LRRTM4: variants seen among roughly 807,000 people sequenced by gnomAD.
LRRTM4 encodes leucine-rich repeat transmembrane neuronal protein 4.
LRRTM4 carries 25 observed loss-of-function variants against 47.6 expected under a neutral mutation model. That is an observed-to-expected ratio of 0.53 (90% CI 0.38 to 0.73). The LOEUF is 0.73. Among genes scored for constraint, LRRTM4 ranks in the 30% least tolerant of loss-of-function variants. LRRTM4 has a pLI of 0.00. For synonymous variants in LRRTM4, 311 were observed against 269.5 expected (o/e 1.15, Z -1.51); for missense variants, 638 against 713.4 (o/e 0.89, Z 1.20).
At chr2:77,055,811 T>C (rs1326003463) in intron 3 of LRRTM4, among the ~76,000 whole-genome samples, 159 of 151,672 alleles carry the variant, frequency 1.0e-3, no homozygotes, top group African/African-American at 1.3e-3. Flanking sequence ...CAATGATAGA[T>C]TGGATTAAGA....
chr2:76,815,023 G>A (rs1337026305), intron 3 of LRRTM4, among the ~76,000 whole-genome samples: 1 of 152,070 alleles, frequency 6.6e-6, no homozygotes, highest in African/African-American at 2.4e-5. Flanking sequence ...GGGTGGAGAT[G>A]AGAAGCGGAG....
chr2:77,069,933 C>T (rs183981277), intron 3 of LRRTM4, among the ~76,000 whole-genome samples: 143 of 152,262 alleles, frequency 9.4e-4, no homozygotes, highest in South Asian at 1.9e-3. Context: ...GCCTGTAAAA[C>T]ATATTTCAGA....
chr2:77,188,413 A>T (rs972772939), intron 3 of LRRTM4, among the ~76,000 whole-genome samples: 1 of 152,110 alleles, frequency 6.6e-6, no homozygotes, highest in Non-Finnish European at 1.5e-5. Flanking sequence ...CTCTACTCCT[A>T]GTTTCATTAA....
chr2:77,146,150 C>T (rs1672256652), intron 3 of LRRTM4, among the ~76,000 whole-genome samples: 1 of 152,092 alleles, frequency 6.6e-6, no homozygotes, highest in African/African-American at 2.4e-5. Flanking sequence ...GAATTAATGT[C>T]TAAGCACTGT....
chr2:77,226,195 T>G (rs2103960615), intron 3 of LRRTM4, among the ~76,000 whole-genome samples: 1 of 151,980 alleles, frequency 6.6e-6, no homozygotes, highest in East Asian at 1.9e-4. Flanking sequence ...CTATCCAATA[T>G]TTCACTTAAA....
chr2:77,147,609 C>G (rs1028318407), intron 3 of LRRTM4, among the ~76,000 whole-genome samples: 5 of 152,048 alleles, frequency 3.3e-5, no homozygotes, highest in African/African-American at 1.2e-4. Context: ...TATTTTTTTC[C>G]AAATTCTGTC....
chr2:76,926,859 G>A lies in LRRTM4; in HGVS notation c.1552-177943C>T, dbSNP rs557246111. On this transcript the variant is annotated intron_variant, in intron 3 of 3. Transcript: ENST00000409884. Reference sequence around the variant, plus strand: ...CAAAACGAACTAAGACTGTCTGCATGTACATACTATTCCTTACACTAAAGT... The same window carrying A: ...CAAAACGAACTAAGACTGTCTGCATATACATACTATTCCTTACACTAAAGT... Among the ~76,000 whole-genome samples, 22 of 152,196 alleles carry A rather than the reference G, an allele frequency of 1.4e-4. No individual in the cohort carries two copies. In the South Asian group the frequency reaches 3.7e-3, roughly 26 times the overall value.
At chr2:77,496,776 T>C (rs1196775558) in intron 3 of LRRTM4, among the ~76,000 whole-genome samples, 2 of 151,792 alleles carry the variant, frequency 1.3e-5, no homozygotes, top group Admixed American at 6.6e-5. Flanking sequence ...TTTTGCATCA[T>C]TATAATGATG....
chr2:76,841,955 A>G (rs1270675027), intron 3 of LRRTM4, among the ~76,000 whole-genome samples: 1 of 152,176 alleles, frequency 6.6e-6, no homozygotes, highest in Non-Finnish European at 1.5e-5. Flanking sequence ...CAAAATTTGG[A>G]CATTTCTTGT....
intron 3 of LRRTM4, among the ~76,000 whole-genome samples, chr2:76,949,264 A>AGT (rs1483065592): frequency 2.6e-4 from 40 of 152,046 alleles, no homozygotes; most frequent in African/African-American, 8.9e-4. Context: ...ATAAATGAAT[A>AGT]GTTATCAAGT....
intron 3 of LRRTM4, among the ~76,000 whole-genome samples, chr2:77,417,854 A>G (rs1674707656): frequency 6.6e-6 from 1 of 152,180 alleles, no homozygotes; most frequent in Non-Finnish European, 1.5e-5. Context: ...TGGCACATGT[A>G]TACATATGTA....
intron 3 of LRRTM4, among the ~76,000 whole-genome samples, chr2:77,044,243 A>G (rs1034392229): frequency 6.6e-6 from 1 of 151,772 alleles, no homozygotes; most frequent in Non-Finnish European, 1.5e-5. Flanking sequence ...AATATAAAGT[A>G]TATACAATTT....
At chr2:76,921,892 G>T (rs35700778) in intron 3 of LRRTM4, among the ~76,000 whole-genome samples, 12,445 of 151,966 alleles carry the variant, frequency 0.082, 688 homozygotes, top group Non-Finnish European at 0.12. Flanking sequence ...TAAGATCTGG[G>T]GTTCTGTGTG....
intron 3 of LRRTM4, among the ~76,000 whole-genome samples, chr2:77,418,442 C>T (rs536281238): frequency 1.3e-5 from 2 of 152,268 alleles, no homozygotes; most frequent in Non-Finnish European, 2.9e-5. Flanking sequence ...GGTGCTCCAT[C>T]CCCGAGCATA....
At chr2:76,959,089 A>G (rs1398454417) in intron 3 of LRRTM4, among the ~76,000 whole-genome samples, 3 of 151,854 alleles carry the variant, frequency 2.0e-5, no homozygotes, top group African/African-American at 7.2e-5. Context: ...CAGGCCTCTA[A>G]GCCCAGGGCA....
chr2:77,334,950 A>G (rs998842236), intron 3 of LRRTM4, among the ~76,000 whole-genome samples: 2 of 152,226 alleles, frequency 1.3e-5, no homozygotes, highest in African/African-American at 2.4e-5. Context: ...AGCATATGAT[A>G]GACATTTAGT....
intron 3 of LRRTM4, among the ~76,000 whole-genome samples, chr2:77,486,735 C>T (rs73942758): frequency 6.6e-6 from 1 of 152,144 alleles, no homozygotes; most frequent in African/African-American, 2.4e-5. Context: ...TAATCACTGG[C>T]CTATGTATAC....
At chr2:77,407,787 A>T (rs557424606) in intron 3 of LRRTM4, among the ~76,000 whole-genome samples, 4 of 147,816 alleles carry the variant, frequency 2.7e-5, no homozygotes, top group Non-Finnish European at 5.9e-5. Flanking sequence ...AAAGACTTCA[A>T]GGAGCTCCAC....
At chr2:76,762,709 T>A (rs1454745378) in intron 3 of LRRTM4, among the ~76,000 whole-genome samples, 1 of 152,148 alleles carries the variant, frequency 6.6e-6, no homozygotes, top group Non-Finnish European at 1.5e-5. Flanking sequence ...CCTGAATTGC[T>A]AGCACTTTGG....
Sources: allele counts gnomAD v4.1 joint callset (sites outside exome capture counted in the v4.1 genomes callset), GRCh38; gene constraint gnomAD v4.1.1; transcripts MANE v1.5; gene names NCBI Gene and HGNC (gene_info 2026-07-23, HGNC 2026-07-21).